Variants in MSRA observed in about 807,000 individuals in gnomAD.
The protein encoded by MSRA is mitochondrial peptide methionine sulfoxide reductase.
A neutral mutation model predicts 31.3 loss-of-function variants in MSRA; 54 were observed. The observed-to-expected ratio is 1.73, with a 90% CI of 1.39 to 2.17. The LOEUF is 2.17. Among genes scored for constraint, MSRA ranks in the 30% most tolerant of loss-of-function variants. MSRA has a pLI of 0.00. For synonymous variants in MSRA, 169 were observed against 116.5 expected (o/e 1.45, Z -2.90); for missense variants, 507 against 300.9 (o/e 1.69, Z -5.07).
intron 1 of MSRA, among the ~76,000 whole-genome samples, chr8:10,124,986 T>C (rs978182625): frequency 3.9e-5 from 6 of 152,192 alleles, no homozygotes; most frequent in Non-Finnish European, 8.8e-5. Context: ...AATAGTAAGA[T>C]TGAAAGAAAG....
intron 3 of MSRA, among the ~76,000 whole-genome samples, chr8:10,283,170 T>TCTCTC (rs1554515466): frequency 4.3e-5 from 4 of 93,742 alleles, no homozygotes; most frequent in East Asian, 2.0e-4. Flanking sequence ...ACTCTCACCC[T>TCTCTC]TCTCTTTGCT....
At chr8:10,263,408 G>GA (rs1000994363) in intron 3 of MSRA, among the ~76,000 whole-genome samples, 1 of 152,004 alleles carries the variant, frequency 6.6e-6, no homozygotes, top group Non-Finnish European at 1.5e-5. Context: ...ACCATGATAG[G>GA]AAAAAAGACT....
At chr8:10,420,219 T>G (rs1207444695) in intron 5 of MSRA, among the ~76,000 whole-genome samples, 1 of 37,502 alleles carries the variant, frequency 2.7e-5, no homozygotes, top group African/African-American at 5.7e-5. Flanking sequence ...ATGAGGGAGC[T>G]AGAGGAGTCA....
chr8:10,329,428 G>C (rs900970332), intron 5 of MSRA, among the ~76,000 whole-genome samples: 7 of 152,174 alleles, frequency 4.6e-5, no homozygotes, highest in African/African-American at 1.4e-4. Context: ...CTGGGCATCT[G>C]ATCTCGTCCT....
At chr8:10,163,262 C>T (rs991670388) in intron 1 of MSRA, among the ~76,000 whole-genome samples, 5 of 152,140 alleles carry the variant, frequency 3.3e-5, no homozygotes, top group South Asian at 2.1e-4. Flanking sequence ...TAGCAGCCCC[C>T]GCCGACTCAG....
At chr8:10,257,409 GTTTA>G (rs1192811289) in intron 3 of MSRA, among the ~76,000 whole-genome samples, 11 of 152,072 alleles carry the variant, frequency 7.2e-5, no homozygotes, top group South Asian at 4.1e-4. Flanking sequence ...TCTTCATTTA[GTTTA>G]TTTATTTTTT....
At chr8:10,283,844 C>T (rs62490319) in intron 3 of MSRA, among the ~76,000 whole-genome samples, 6,438 of 84,080 alleles carry the variant, frequency 0.077, 194 homozygotes, top group Admixed American at 0.12. Flanking sequence ...TATACACACA[C>T]ACACACACAC....
intron 5 of MSRA, among the ~76,000 whole-genome samples, chr8:10,424,521 C>T (rs896085608): frequency 2.0e-5 from 3 of 147,862 alleles, no homozygotes; most frequent in African/African-American, 7.6e-5. Context: ...GGAGAAGGGC[C>T]TGGGGTGGAG....
intron 5 of MSRA, among the ~76,000 whole-genome samples, chr8:10,339,126 T>A (rs1803245313): frequency 6.6e-6 from 1 of 152,204 alleles, no homozygotes; most frequent in Admixed American, 6.5e-5. Flanking sequence ...AGATGAAAAT[T>A]TTCATTGATC....
intron 1 of MSRA, among the ~76,000 whole-genome samples, chr8:10,147,213 G>T (rs1803224462): frequency 6.6e-6 from 1 of 152,188 alleles, no homozygotes; most frequent in South Asian, 2.1e-4. Context: ...GAAGGAGCAG[G>T]CCTGGAGGAT....
intron 5 of MSRA, among the ~76,000 whole-genome samples, chr8:10,374,096 G>A (rs976004859): frequency 6.6e-5 from 10 of 152,206 alleles, no homozygotes; most frequent in South Asian, 2.1e-4. Flanking sequence ...CTGATTGATC[G>A]AGAAGTCAAG....
At chr8:10,315,078 G>C (rs1284363178) in intron 4 of MSRA, among the ~76,000 whole-genome samples, 1 of 152,088 alleles carries the variant, frequency 6.6e-6, no homozygotes, top group African/African-American at 2.4e-5. Flanking sequence ...GTGTGTGTAG[G>C]GGAACTGACC....
At chr8:10,115,743 A>G (rs530613200) in intron 1 of MSRA, among the ~76,000 whole-genome samples, 2 of 152,282 alleles carry the variant, frequency 1.3e-5, no homozygotes, top group South Asian at 4.2e-4. Flanking sequence ...AGGAGGATAC[A>G]CTGGTCCCGC....
intron 1 of MSRA, among the ~76,000 whole-genome samples, chr8:10,173,721 G>T (rs1805797973): frequency 6.6e-6 from 1 of 152,168 alleles, no homozygotes; most frequent in African/African-American, 2.4e-5. Flanking sequence ...AACTCAATCT[G>T]CAGCCCCTTC....
chr8:10,118,177 A>G (rs867398454), intron 1 of MSRA, among the ~76,000 whole-genome samples: 2 of 152,122 alleles, frequency 1.3e-5, no homozygotes, highest in African/African-American at 4.8e-5. Flanking sequence ...ATGTTGGAGT[A>G]ATGTTTTTAG....
intron 5 of MSRA, among the ~76,000 whole-genome samples, chr8:10,425,197 C>T (rs558453537): frequency 6.6e-6 from 1 of 152,186 alleles, no homozygotes; most frequent in African/African-American, 2.4e-5. Flanking sequence ...AGATTGACGC[C>T]ACGCTCATCG....
At chr8:10,188,807 G>T (rs1807276118) in intron 1 of MSRA, among the ~76,000 whole-genome samples, 1 of 152,222 alleles carries the variant, frequency 6.6e-6, no homozygotes. Flanking sequence ...AAATCAGGTA[G>T]TGGAAGTATT....
intron 5 of MSRA, among the ~76,000 whole-genome samples, chr8:10,385,164 C>G (rs12682070): frequency 0.059 from 9,023 of 152,104 alleles, 1,003 homozygotes; most frequent in East Asian, 0.43. Context: ...GGGGGAAACA[C>G]CAGGAGTAAG....
chr8:10,249,949 A>G (rs1400433752), intron 3 of MSRA, among the ~76,000 whole-genome samples: 1 of 152,234 alleles, frequency 6.6e-6, no homozygotes, highest in Non-Finnish European at 1.5e-5. Flanking sequence ...ACTTACTGGA[A>G]AGGTGCCACA....
Sources: allele counts gnomAD v4.1 joint callset (sites outside exome capture counted in the v4.1 genomes callset), GRCh38; gene constraint gnomAD v4.1.1; transcripts MANE v1.5; gene names NCBI Gene and HGNC (gene_info 2026-07-23, HGNC 2026-07-21).